The following DLGAP3 variants were observed in gnomAD, a reference collection of about 807,000 sequenced individuals.
The protein encoded by DLGAP3 is disks large-associated protein 3.
DLGAP3 carries 17 observed loss-of-function variants against 81.2 expected under a neutral mutation model. The ratio of observed to expected loss-of-function variants is 0.21; its 90% CI spans 0.14 to 0.31. DLGAP3 has a LOEUF of 0.31. Among genes scored for constraint, DLGAP3 ranks in the 10% least tolerant of loss-of-function variants. DLGAP3 has a pLI of 1.00. For synonymous variants in DLGAP3, 577 were observed against 587.4 expected (o/e 0.98, Z 0.26); for missense variants, 1,124 against 1,388.0 (o/e 0.81, Z 3.02).
chr1:34,873,472 G>C lies in DLGAP3; in HGVS notation c.2001-4383C>G, dbSNP rs764454395. Among the ~76,000 whole-genome samples the C allele has an allele frequency of 1.6e-4, 24 of 152,178 alleles. No homozygotes were observed. The highest frequency in any genetic ancestry group is 2.8e-4 in the Non-Finnish European group (19 of 68,048). On this transcript the variant is annotated intron_variant, in intron 8 of 11. Transcript: ENST00000373347. The surrounding 1 kb of genome is among the most constrained non-coding windows in gnomAD (Gnocchi z 4.2). ...GCCTCATTTTCCCATCTGTAAATGA[G>C]AATGATAATAGTAGCAGTTCATAAG...
intron 4 of DLGAP3, 76 bp downstream of exon 4, chr1:34,899,992 C>T: frequency 7.7e-7 from 1 of 1,300,730 alleles, no homozygotes; most frequent in Non-Finnish European, 1.1e-6. Flanking sequence ...GACTGGCACC[C>T]ACTCTACACA....
In DLGAP3 at chr1:34,868,265, C is replaced by T. The variant is rs1638917334; in HGVS notation, c.2485+340G>A. Reference sequence around the variant, plus strand: ...ATCTTGGTCGCACCACCTGGATCCCCACACCAGTCCAGATCTGAACGGAGT... The same window carrying T: ...ATCTTGGTCGCACCACCTGGATCCCTACACCAGTCCAGATCTGAACGGAGT... On this transcript the variant is annotated intron_variant, in intron 9 of 11. Coordinates refer to ENST00000373347, the MANE Select transcript of DLGAP3 (RefSeq NM_001080418.3). The surrounding 1 kb of genome is among the most constrained non-coding windows in gnomAD (Gnocchi z 7.5). Among the ~76,000 whole-genome samples the T allele has an allele frequency of 6.6e-6, 1 of 152,180 alleles. No homozygotes were observed. Among genetic ancestry groups the T allele is most frequent in the Admixed American group, 6.5e-5 (1 of 15,290 alleles).
chr1:34,915,413 C>G (rs558931290), intron 1 of DLGAP3, among the ~76,000 whole-genome samples: 3 of 152,310 alleles, frequency 2.0e-5, no homozygotes, highest in Admixed American at 1.3e-4. Flanking sequence ...AGGTAGGAGC[C>G]CAAGCCCATG....
rs1638859079 is a variant in DLGAP3 at position 34,865,605 on chromosome 1, G to C, written c.*478C>G. On this transcript the variant is annotated 3_prime_UTR_variant, in exon 12 of 12. Coordinates refer to ENST00000373347, the MANE Select transcript of DLGAP3 (RefSeq NM_001080418.3). Reference sequence around the variant, plus strand: ...GCCACTGTGGTCCCTGGGCCCAGTGGGCAGAGGGCTGAGGATGGAGCCCCT... The same window carrying C: ...GCCACTGTGGTCCCTGGGCCCAGTGCGCAGAGGGCTGAGGATGGAGCCCCT... 1 of 239,346 alleles carries C rather than the reference G, an allele frequency of 4.2e-6. No homozygotes were observed. The highest frequency in any genetic ancestry group is 2.4e-5 in the African/African-American group (1 of 41,858). The allele number at this position is 239,346 out of a possible 1,614,324, so 14.8% of individuals were successfully genotyped here.
chr1:34,889,390 T>C (rs1478002989), intron 5 of DLGAP3, among the ~76,000 whole-genome samples: 3 of 152,216 alleles, frequency 2.0e-5, no homozygotes, highest in Non-Finnish European at 4.4e-5. Flanking sequence ...TGATCTTTAC[T>C]ATCCTACAGT....
intron 1 of DLGAP3, among the ~76,000 whole-genome samples, chr1:34,918,623 T>C (rs181609888): frequency 1.6e-3 from 249 of 152,214 alleles, no homozygotes; most frequent in Middle Eastern, 6.8e-3. Flanking sequence ...TCATTTTCCT[T>C]TTGAAAAATA....
chr1:34,912,122 T>G (rs1297559307), intron 1 of DLGAP3, among the ~76,000 whole-genome samples: 1 of 152,228 alleles, frequency 6.6e-6, no homozygotes, highest in African/African-American at 2.4e-5. Flanking sequence ...ATGAATGATG[T>G]AAGGTTTAAC....
chr1:34,872,206 G>T (rs1028241759), intron 8 of DLGAP3, among the ~76,000 whole-genome samples: 2 of 152,184 alleles, frequency 1.3e-5, no homozygotes, highest in Non-Finnish European at 2.9e-5. Context: ...GGACAGAAAG[G>T]TCTCATGAAG....
chr1:34,889,780 G>A (rs79528950), intron 5 of DLGAP3, among the ~76,000 whole-genome samples: 14,509 of 152,220 alleles, frequency 0.095, 786 homozygotes, highest in Middle Eastern at 0.21. Flanking sequence ...ACAAGAAAGC[G>A]AGATAAGTCC....
At chr1:34,925,347 C>T (rs1210359624) in intron 1 of DLGAP3, 1 of 152,752 alleles carries the variant, frequency 6.5e-6, no homozygotes, top group Non-Finnish European at 1.5e-5. Flanking sequence ...TCTTAACCAC[C>T]ACCCCAAAAA....
chr1:34,885,521 C>T lies in DLGAP3; in HGVS notation c.1871G>A (p.Ser624Asn). 1 of 1,609,258 alleles carries T rather than the reference C, an allele frequency of 6.2e-7. No homozygotes were observed. The highest frequency in any genetic ancestry group is 1.3e-5 in the African/African-American group (1 of 75,066). The change falls in exon 7 of 12, where the codon AGC (serine) becomes AAC (asparagine). Residue 624 changes from serine (S) to asparagine (N), a missense_variant. Around this residue, in one of 9 missense-constraint regions of DLGAP3, gnomAD observed 379 missense variants for 455.7 expected, o/e 0.83. Transcript: ENST00000373347. Reference protein sequence around the residue: ...KTIPGREELRSLARQRKWRPS... With the variant: ...KTIPGREELRNLARQRKWRPS... Reference sequence around the variant, plus strand: ...CCGCCACTTCCGCTGCCGCGCCAGGCTCCGCAGCTCCTCCCTGCCAGGGAT... The same window carrying T: ...CCGCCACTTCCGCTGCCGCGCCAGGTTCCGCAGCTCCTCCCTGCCAGGGAT...
In DLGAP3 at chr1:34,899,657, G is replaced by C; in HGVS notation, c.1386+12C>G. On this transcript the variant is annotated intron_variant, in intron 5 of 11. Transcript: ENST00000373347. ...TCACTCTTTCCTCCAGGCATACTGGGCCTCTCCCTACCTGTCCAGTGGTGA... is the reference window on the plus strand; with the variant it reads ...TCACTCTTTCCTCCAGGCATACTGGCCCTCTCCCTACCTGTCCAGTGGTGA... 6.2e-7 allele frequency: 1 copy of C among 1,609,492 alleles called. No individual in the cohort carries two copies. Among genetic ancestry groups the C allele is most frequent in the Non-Finnish European group, 8.5e-7 (1 of 1,175,916 alleles).
chr1:34,892,615 T>A (rs1443791130), intron 5 of DLGAP3, among the ~76,000 whole-genome samples: 1 of 152,132 alleles, frequency 6.6e-6, no homozygotes, highest in Admixed American at 6.5e-5. Context: ...ACTCTTGGGC[T>A]AAAGCAATCC....
rs990821879 is a variant in DLGAP3 at position 34,924,036 on chromosome 1, C to T, written c.-135+5415G>A. 2.6e-5 allele frequency among the ~76,000 whole-genome samples: 4 copies of T among 152,116 alleles called. No individual in the cohort carries two copies. The South Asian group carries it at 8.3e-4, about 32-fold the overall frequency. On this transcript the variant is annotated intron_variant, in intron 1 of 11. Transcript: ENST00000373347. ...CATCATCCCTTCCTGCCTGTTGTTC[C>T]CCTACAGACTCATCTGCATGTCCTG...
rs765837114 is a variant in DLGAP3, at chr1:34,866,154, G to A, written c.2869C>T (p.Arg957Cys). Residue 957 changes from arginine to cysteine, a missense_variant, in exon 12 of 12, where the codon CGC (arginine) becomes TGC (cysteine). Arg to Cys is a radical substitution (Grantham distance 180). Transcript: ENST00000373347. ...LLAAKRAASF[R>C]HSSATESADS... ...GCGCTCTCGGTGGCCGAGCTGTGGCGGAAGGAAGCGGCGCGCTTGGCCGCC... is the reference window on the plus strand; with the variant it reads ...GCGCTCTCGGTGGCCGAGCTGTGGCAGAAGGAAGCGGCGCGCTTGGCCGCC... The A allele has an allele frequency of 1.3e-6, 2 of 1,598,034 alleles. No individual in the cohort carries two copies. Among genetic ancestry groups the A allele is most frequent in the Non-Finnish European group, 8.5e-7 (1 of 1,178,878 alleles).
intron 1 of DLGAP3, among the ~76,000 whole-genome samples, chr1:34,925,808 C>T (rs535324187): frequency 3.3e-5 from 5 of 152,224 alleles, no homozygotes; most frequent in Admixed American, 2.0e-4. Context: ...ACTCTGAGCT[C>T]TTAACTGGAA....
At chr1:34,918,087 C>A (rs1480924709) in intron 1 of DLGAP3, among the ~76,000 whole-genome samples, 1 of 152,190 alleles carries the variant, frequency 6.6e-6, no homozygotes, top group Non-Finnish European at 1.5e-5. Context: ...ACAGGCAGAA[C>A]CCTCAGAGGG....
At chr1:34,877,965 T>C (rs992579497) in intron 8 of DLGAP3, among the ~76,000 whole-genome samples, 2 of 152,222 alleles carry the variant, frequency 1.3e-5, no homozygotes, top group Admixed American at 1.3e-4. Flanking sequence ...GAAAAATATA[T>C]ACATGGATTA....
chr1:34,925,235 T>C (rs916395781), intron 1 of DLGAP3: 1 of 144,500 alleles, frequency 6.9e-6, no homozygotes, highest in African/African-American at 2.5e-5. Flanking sequence ...AACCCAGACA[T>C]GGGGCTTCCC....
Sources: gnomAD v4.1 joint callset for allele counts (sites outside exome capture counted in the v4.1 genomes callset) on GRCh38, gnomAD v4.1.1 for gene constraint, gnomAD v4.1.1 regional missense constraint, Gnocchi (gnomAD v3.1) non-coding constraint, MANE v1.5 for transcripts, NCBI Gene and HGNC (gene_info 2026-07-23, HGNC 2026-07-21) for gene names.